The following CLSTN2 variants were observed in gnomAD, a reference collection of about 807,000 sequenced individuals.
CLSTN2 encodes the protein calsyntenin-2.
Under a neutral mutation model 101.2 loss-of-function variants are expected in CLSTN2, and 48 were observed. That is an observed-to-expected ratio of 0.47 (90% CI 0.38 to 0.60). CLSTN2 has a LOEUF of 0.60. Ranked by LOEUF, CLSTN2 falls within the 20% of genes least tolerant of loss-of-function variation. CLSTN2 has a pLI of 0.00. For missense variants in CLSTN2, 1,160 were observed against 1,238.2 expected (o/e 0.94, Z 0.95); for synonymous variants, 481 against 463.6 (o/e 1.04, Z -0.48).
intron 16 of CLSTN2, among the ~76,000 whole-genome samples, chr3:140,564,944 C>A (rs1936000335): frequency 6.6e-6 from 1 of 152,198 alleles, no homozygotes; most frequent in Non-Finnish European, 1.5e-5. Context: ...ATTACCCCAG[C>A]CTGGTCCCCA....
At chr3:140,026,993 G>A (rs1384121321) in intron 1 of CLSTN2, among the ~76,000 whole-genome samples, 4 of 152,200 alleles carry the variant, frequency 2.6e-5, no homozygotes, top group South Asian at 2.1e-4. Context: ...GGGAATTATC[G>A]CCAATGGGAG....
At chr3:140,288,375 A>G (rs2086917556) in intron 2 of CLSTN2, among the ~76,000 whole-genome samples, 1 of 152,098 alleles carries the variant, frequency 6.6e-6, no homozygotes, top group Non-Finnish European at 1.5e-5. Context: ...CTCCCCTCCC[A>G]GACATTCCTT....
At chr3:140,262,740 A>AATG (rs1452777177) in intron 2 of CLSTN2, among the ~76,000 whole-genome samples, 1 of 152,104 alleles carries the variant, frequency 6.6e-6, no homozygotes, top group African/African-American at 2.4e-5. Flanking sequence ...GTGGCTGGGA[A>AATG]ATGATGAGAG....
chr3:140,211,738 C>T (rs990755181), intron 2 of CLSTN2, among the ~76,000 whole-genome samples: 1 of 151,754 alleles, frequency 6.6e-6, no homozygotes, highest in South Asian at 2.1e-4. Context: ...CTAAATAACC[C>T]ACCCCTTACC....
chr3:140,117,451 G>T (rs1009217805), intron 1 of CLSTN2, among the ~76,000 whole-genome samples: 1 of 152,244 alleles, frequency 6.6e-6, no homozygotes, highest in Non-Finnish European at 1.5e-5. Flanking sequence ...CCAGGCTAAT[G>T]GTGAAGATTT....
At chr3:140,066,782 C>G (rs1336092121) in intron 1 of CLSTN2, among the ~76,000 whole-genome samples, 1 of 152,216 alleles carries the variant, frequency 6.6e-6, no homozygotes, top group Non-Finnish European at 1.5e-5. Context: ...ACCTTTCACT[C>G]ACAGACACTC....
chr3:140,260,728 T>C (rs1320354630), intron 2 of CLSTN2, among the ~76,000 whole-genome samples: 5 of 152,180 alleles, frequency 3.3e-5, no homozygotes, highest in Admixed American at 6.5e-5. Context: ...CTAATGTTCT[T>C]TTTCTGTTCC....
At chr3:140,383,753 G>A (rs2088018208) in intron 2 of CLSTN2, among the ~76,000 whole-genome samples, 1 of 152,168 alleles carries the variant, frequency 6.6e-6, no homozygotes, top group Non-Finnish European at 1.5e-5. Flanking sequence ...AATATATTTT[G>A]CATGAAAAGT....
chr3:140,511,576 G>A (rs1408817821), intron 8 of CLSTN2, among the ~76,000 whole-genome samples: 2 of 122,810 alleles, frequency 1.6e-5, no homozygotes, highest in South Asian at 2.7e-4. Context: ...TTGAGACAGA[G>A]CCTCACTCTG....
At chr3:140,140,922 AT>A (rs1212565009) in intron 1 of CLSTN2, among the ~76,000 whole-genome samples, 1 of 152,134 alleles carries the variant, frequency 6.6e-6, no homozygotes, top group African/African-American at 2.4e-5. Context: ...TACATAAAAT[AT>A]TTTTTATGGC....
At chr3:140,471,496 T>C (rs1020640525) in intron 8 of CLSTN2, among the ~76,000 whole-genome samples, 3 of 152,188 alleles carry the variant, frequency 2.0e-5, no homozygotes, top group African/African-American at 7.2e-5. Context: ...AATGTCGGAT[T>C]CATTCAGTTG....
intron 1 of CLSTN2, among the ~76,000 whole-genome samples, chr3:139,988,868 G>A (rs987113948): frequency 2.0e-5 from 3 of 152,116 alleles, no homozygotes; most frequent in Non-Finnish European, 2.9e-5. Flanking sequence ...AGGAGTTTGT[G>A]GCTTATAATG....
chr3:140,285,349 T>G (rs2086885941), intron 2 of CLSTN2, among the ~76,000 whole-genome samples: 2 of 152,122 alleles, frequency 1.3e-5, no homozygotes, highest in Non-Finnish European at 1.5e-5. Flanking sequence ...GAAGATGGTA[T>G]CAATTATCTA....
Position 140,532,439 on chromosome 3 carries a change from A to T in CLSTN2, c.1460A>T (p.His487Leu). ...PYLVTNDWPI[H>L]PSHIAMQLTV... ...CTGGTGACCAACGACTGGCCCATTC[A>T]TCCATCTCACATAGCCATGCAACTC... The change falls in exon 9 of 17, where the codon CAT becomes CTT. Residue 487 changes from histidine (H) to leucine (L), a missense_variant. By Grantham distance (99) the His-to-Leu change is moderately conservative. Coordinates refer to ENST00000458420, the MANE Select transcript of CLSTN2 (RefSeq NM_022131.3). 2 of 1,614,006 alleles carry T rather than the reference A, an allele frequency of 1.2e-6. No individual in the cohort carries two copies. Among genetic ancestry groups the T allele is most frequent in the Non-Finnish European group, 8.5e-7 (1 of 1,179,924 alleles).
At chr3:140,562,098 G>T in intron 12 of CLSTN2, 40 bp from the exon 13 acceptor site, 1 of 1,595,484 alleles carries the variant, frequency 6.3e-7, no homozygotes, top group Non-Finnish European at 8.6e-7. Flanking sequence ...TTTCTGAGCT[G>T]TCCTTCATGC....
At chr3:140,397,419 G>A (rs913204830) in intron 2 of CLSTN2, among the ~76,000 whole-genome samples, 28 of 152,110 alleles carry the variant, frequency 1.8e-4, no homozygotes, top group Admixed American at 1.7e-3. Flanking sequence ...AGGTAAAAAC[G>A]AATCTGAAAT....
chr3:140,302,990 T>C lies in CLSTN2; in HGVS notation c.233-100639T>C, dbSNP rs184201808. On this transcript the variant is annotated intron_variant, in intron 2 of 16. Transcript: ENST00000458420. ...TCTCCATCTCTGTCCAGCCCCGCGATGCACACAGCATAGCAGGCAAGAGCA... is the reference window on the plus strand; with the variant it reads ...TCTCCATCTCTGTCCAGCCCCGCGACGCACACAGCATAGCAGGCAAGAGCA... 2.5e-4 allele frequency among the ~76,000 whole-genome samples: 38 copies of C among 152,288 alleles called. No individual in the cohort carries two copies. In the East Asian group the frequency reaches 7.2e-3, roughly 29 times the overall value.
intron 2 of CLSTN2, among the ~76,000 whole-genome samples, chr3:140,218,743 C>T (rs2086234534): frequency 1.3e-5 from 2 of 152,078 alleles, no homozygotes; most frequent in Admixed American, 6.5e-5. Flanking sequence ...TAACTAAAGC[C>T]CCATGAAACC....
chr3:140,228,994 G>A (rs2086347995), intron 2 of CLSTN2, among the ~76,000 whole-genome samples: 1 of 152,198 alleles, frequency 6.6e-6, no homozygotes, highest in Admixed American at 6.5e-5. Context: ...AGAAGAGAAA[G>A]ATTATGTGTC....
Sources: gnomAD v4.1 joint callset for allele counts (sites outside exome capture counted in the v4.1 genomes callset) on GRCh38, gnomAD v4.1.1 for gene constraint, MANE v1.5 for transcripts, NCBI Gene and HGNC (gene_info 2026-07-23, HGNC 2026-07-21) for gene names.